Variants in SRRM2 observed in about 807,000 individuals in gnomAD.
SRRM2 encodes serine/arginine repetitive matrix protein 2.
Under a neutral mutation model 213.8 loss-of-function variants are expected in SRRM2, and 30 were observed. That is an observed-to-expected ratio of 0.14 (90% CI 0.10 to 0.19). SRRM2 has a LOEUF of 0.19. SRRM2 is among the 10% of genes least tolerant of loss of function. The pLI, the probability that SRRM2 is intolerant of heterozygous loss-of-function variation, is 1.00. For synonymous variants in SRRM2, 2,025 were observed against 1,377.7 expected, an observed-to-expected ratio of 1.47 and a Z score of -10.40; for missense variants, 4,904 against 3,647.0, an observed-to-expected ratio of 1.34 and a Z score of -8.88.
chr16:2,770,232 G>C, intron 12 of SRRM2, 120 bp from the exon 13 acceptor site: 1 of 1,458,018 alleles, frequency 6.9e-7, no homozygotes, highest in Non-Finnish European at 9.1e-7. Context: ...ACAAAGGTGG[G>C]TCTGAGGCTG....
intron 2 of SRRM2, among the ~76,000 whole-genome samples, chr16:2,757,174 A>G (rs1263852752): frequency 6.6e-6 from 1 of 152,180 alleles, no homozygotes; most frequent in Non-Finnish European, 1.5e-5. Flanking sequence ...GAATCCCAGG[A>G]AGTAAAAGGC....
chr16:2,766,483 A>C lies in SRRM2; in HGVS notation c.5955A>C (p.Arg1985Ser). Residue 1985 changes from arginine (R) to serine (S), a missense_variant, in exon 11 of 15, where the codon AGA (arginine) becomes AGC (serine). Arg to Ser is a moderately radical substitution (Grantham distance 110). Coordinates refer to ENST00000301740, the MANE Select transcript of SRRM2 (RefSeq NM_016333.4). This position sits in a 1 kb window ranked among gnomAD's most constrained non-coding sequence, Gnocchi z 7.0. ...TCACTCGCAGAAGATCAAGATCCAG[A>C]ACATCTCCGGTCACCCGAAGGAGAT... Reference protein sequence around the residue: ...SPITRRRSRSRTSPVTRRRSR... With the variant: ...SPITRRRSRSSTSPVTRRRSR... 6.2e-7 allele frequency: 1 copy of C among 1,614,018 alleles called. No homozygotes were observed. Among genetic ancestry groups the C allele is most frequent in the Non-Finnish European group, 8.5e-7 (1 of 1,179,948 alleles).
At position 2,769,093 on chromosome 16, in the gene SRRM2, C is replaced by T. The variant is rs374877727; in HGVS notation, c.7830C>T (p.Ser2610=). The change falls in exon 12 of 15, where the codon TCC becomes TCT. Residue 2610 remains serine (S), a synonymous_variant. Transcript: ENST00000301740. ...PAKRKRRSSS[S]SSSSSSSSSS... ...AACGGAAGAGGCGCTCTAGCAGTTC[C>T]AGTTCCAGCTCCTCCTCTTCATCTT... 2 of 1,614,074 alleles carry T rather than the reference C, an allele frequency of 1.2e-6. No individual in the cohort carries two copies. The highest frequency in any genetic ancestry group is 1.7e-6 in the Non-Finnish European group (2 of 1,180,024).
In SRRM2 at chr16:2,764,875, T is replaced by A; in HGVS notation, c.4347T>A (p.Asp1449Glu). The change falls in exon 11 of 15, where the codon GAT becomes GAA. Residue 1449 changes from aspartate (D) to glutamate (E), a missense_variant. By Grantham distance (45) the Asp-to-Glu change is conservative. Coordinates refer to ENST00000301740, the MANE Select transcript of SRRM2 (RefSeq NM_016333.4). ...SRSGSSPGLR[D>E]GSGTPSRHSL... Reference sequence around the variant, plus strand: ...CTGGGTCTTCTCCAGGACTTAGAGATGGGTCTGGGACTCCCTCGAGGCACA... The same window carrying A: ...CTGGGTCTTCTCCAGGACTTAGAGAAGGGTCTGGGACTCCCTCGAGGCACA... 3 of 1,614,174 alleles carry A rather than the reference T, an allele frequency of 1.9e-6. No homozygotes were observed. Among genetic ancestry groups the A allele is most frequent in the Non-Finnish European group, 2.5e-6 (3 of 1,180,028 alleles).
In SRRM2 at chr16:2,764,113, G is replaced by A. The variant is rs1218321482; in HGVS notation, c.3585G>A (p.Arg1195=). Residue 1195 remains arginine, a synonymous_variant, in exon 11 of 15, where the codon AGG becomes AGA. Transcript: ENST00000301740. ...TTAGTCCCTTTCCAGTACAGGATAG[G>A]CCTGAGTCTTCACTGGTATTCAAAG... ...DKFSPFPVQD[R]PESSLVFKDT... 6.2e-7 allele frequency: 1 copy of A among 1,614,158 alleles called. No individual in the cohort carries two copies.
rs758681825 is a variant in SRRM2, at chr16:2,766,132, C to T, written c.5604C>T (p.Ala1868=). 3.7e-6 allele frequency: 6 copies of T among 1,613,994 alleles called. No individual in the cohort carries two copies. The highest frequency in any genetic ancestry group is 1.1e-5 in the South Asian group (1 of 91,092). The change falls in exon 11 of 15, where the codon GCC becomes GCT. Residue 1868 remains alanine, a synonymous_variant. Coordinates refer to ENST00000301740, the MANE Select transcript of SRRM2 (RefSeq NM_016333.4). This position sits in a 1 kb window ranked among gnomAD's most constrained non-coding sequence, Gnocchi z 7.0. ...CGTGGAAACGCTCTAGATCTCGAGC[C>T]TCTCCAGCCACTCACCGGCGATCCA... ...PAPWKRSRSR[A]SPATHRRSRS... is the part of the protein sequence containing the mutation.
rs760841998 is a variant in SRRM2 at position 2,763,371 on chromosome 16, G to A, written c.2843G>A (p.Arg948Gln). The change falls in exon 11 of 15, where the codon CGG becomes CAG. Residue 948 changes from arginine (R) to glutamine (Q), a missense_variant. Arg to Gln is a conservative substitution (Grantham distance 43). Transcript: ENST00000301740. Reference protein sequence around the residue: ...PSRVTSRTTPRRSRSVSPCSN... With the variant: ...PSRVTSRTTPQRSRSVSPCSN... Reference sequence around the variant, plus strand: ...AGGGTGACGTCGAGAACAACTCCACGGCGAAGCAGATCAGTATCTCCCTGC... The same window carrying A: ...AGGGTGACGTCGAGAACAACTCCACAGCGAAGCAGATCAGTATCTCCCTGC... The A allele has an allele frequency of 2.7e-5, 43 of 1,614,036 alleles. No homozygotes were observed. Among genetic ancestry groups the A allele is most frequent in the Non-Finnish European group, 2.0e-5 (24 of 1,180,036 alleles).
intron 10 of SRRM2, 41 bp from the exon 11 acceptor site, chr16:2,761,520 C>A (rs189620136): frequency 4.8e-6 from 7 of 1,443,304 alleles, no homozygotes; most frequent in Non-Finnish European, 5.5e-6. Flanking sequence ...GAAGTTTTGG[C>A]GTTTATGAAT....
At chr16:2,759,229 T>G in intron 7 of SRRM2, 57 bp downstream of exon 7, 2 of 1,605,988 alleles carry the variant, frequency 1.2e-6, no homozygotes, top group Non-Finnish European at 1.7e-6. Context: ...TGATTTTTTT[T>G]TCTTGGAGTG....
At chr16:2,755,894 T>C (rs914881906) in intron 1 of SRRM2, among the ~76,000 whole-genome samples, 6 of 152,194 alleles carry the variant, frequency 3.9e-5, no homozygotes, top group Admixed American at 6.5e-5. Context: ...CTGGTGTTTG[T>C]TGTGACCAGG....
rs1465523478 is a variant in SRRM2 at position 2,762,325 on chromosome 16, C to A, written c.1797C>A (p.Pro599=). The A allele has an allele frequency of 6.2e-7, 1 of 1,614,046 alleles. No individual in the cohort carries two copies. Among genetic ancestry groups the A allele is most frequent in the Non-Finnish European group, 8.5e-7 (1 of 1,180,032 alleles). ...GGCGGAGATCACGATCCAGAACTCC[C>A]ACCAGGCGTAGGTCTCGGTCTAGAA... The part of the protein sequence containing the change: ...PARRRSRSRT[P]TRRRSRSRTP... Residue 599 remains proline (P), a synonymous_variant, in exon 11 of 15, where the codon CCC becomes CCA. Coordinates refer to ENST00000301740, the MANE Select transcript of SRRM2 (RefSeq NM_016333.4).
chr16:2,770,335 C>T lies in SRRM2; in HGVS notation c.8022-17C>T. Reference sequence around the variant, plus strand: ...TTGAAAGGGTGTGGTGCTATTGGGTCCTACTGTGTTCCCCAGGTCCCGCAG... The same window carrying T: ...TTGAAAGGGTGTGGTGCTATTGGGTTCTACTGTGTTCCCCAGGTCCCGCAG... On this transcript the variant is annotated splice_polypyrimidine_tract_variant and intron_variant, in intron 12 of 14. Transcript: ENST00000301740. 1.3e-6 allele frequency: 2 copies of T among 1,566,546 alleles called. No homozygotes were observed. Among genetic ancestry groups the T allele is most frequent in the Non-Finnish European group, 1.7e-6 (2 of 1,155,114 alleles).
chr16:2,759,908 TA>T (rs751721713), intron 9 of SRRM2: 49 of 528,148 alleles, frequency 9.3e-5, no homozygotes, highest in Non-Finnish European at 1.1e-4. Context: ...ACTGCCAGAA[TA>T]GGGGGGGTGG....
chr16:2,764,106 A>C lies in SRRM2; in HGVS notation c.3578A>C (p.Gln1193Pro). 1 of 1,614,192 alleles carries C rather than the reference A, an allele frequency of 6.2e-7. No individual in the cohort carries two copies. The highest frequency in any genetic ancestry group is 1.1e-5 in the South Asian group (1 of 91,082). ...QKDKFSPFPVQDRPESSLVFK... is the reference protein window; with the variant it reads ...QKDKFSPFPVPDRPESSLVFK... ...GACAAATTTAGTCCCTTTCCAGTAC[A>C]GGATAGGCCTGAGTCTTCACTGGTA... Residue 1193 changes from glutamine to proline, a missense_variant, in exon 11 of 15, where the codon CAG becomes CCG. By Grantham distance (76) the Gln-to-Pro change is moderately conservative (BLOSUM62 -1). Transcript: ENST00000301740.
chr16:2,759,433 A>G (rs946200782), intron 8 of SRRM2, 31 bp downstream of exon 8: 3 of 1,595,554 alleles, frequency 1.9e-6, no homozygotes, highest in African/African-American at 2.7e-5. Flanking sequence ...TTTGCTTAGG[A>G]AGTAAGTGAA....
rs756233308 is a variant in SRRM2, at chr16:2,762,800, C to T, written c.2272C>T (p.Arg758Trp). 1.7e-5 allele frequency: 27 copies of T among 1,614,008 alleles called. No individual in the cohort carries two copies. Among genetic ancestry groups the T allele is most frequent in the Non-Finnish European group, 2.1e-5 (25 of 1,180,034 alleles). The change falls in exon 11 of 15, where the codon CGG (arginine) becomes TGG (tryptophan). Residue 758 changes from arginine (R) to tryptophan (W), a missense_variant. By Grantham distance (101) the Arg-to-Trp change is moderately radical. Transcript: ENST00000301740. ...EMKKSRISSR[R>W]SRSLSSPRSK... is the part of the protein sequence containing the mutation. ...GAAGAAATCTCGCATTTCTTCAAGGCGGAGCAGGTCTCTCTCTTCACCACG... is the reference window on the plus strand; with the variant it reads ...GAAGAAATCTCGCATTTCTTCAAGGTGGAGCAGGTCTCTCTCTTCACCACG...
At chr16:2,769,350 G>A (rs1338516462) in intron 12 of SRRM2, 66 bp downstream of exon 12, 2 of 1,505,908 alleles carry the variant, frequency 1.3e-6, no homozygotes, top group Non-Finnish European at 1.8e-6. Flanking sequence ...AAGGGGCCCT[G>A]GGGTGTGAGC....
In SRRM2 at chr16:2,764,805, A is replaced by G; in HGVS notation, c.4277A>G (p.Glu1426Gly). Reference protein sequence around the residue: ...RERSSSASSPEMKDGLPRTPS... With the variant: ...RERSSSASSPGMKDGLPRTPS... Reference sequence around the variant, plus strand: ...AGAAGTAGTTCTGCATCTTCTCCTGAAATGAAAGATGGTTTACCCAGAACT... The same window carrying G: ...AGAAGTAGTTCTGCATCTTCTCCTGGAATGAAAGATGGTTTACCCAGAACT... Residue 1426 changes from glutamate (E) to glycine (G), a missense_variant, in exon 11 of 15, where the codon GAA becomes GGA. Coordinates refer to ENST00000301740, the MANE Select transcript of SRRM2 (RefSeq NM_016333.4). 6.2e-7 allele frequency: 1 copy of G among 1,614,190 alleles called. No individual in the cohort carries two copies. The highest frequency in any genetic ancestry group is 8.5e-7 in the Non-Finnish European group (1 of 1,180,050).
chr16:2,758,782 C>T lies in SRRM2; in HGVS notation c.594-203C>T. On this transcript the variant is annotated intron_variant, in intron 5 of 14. Coordinates refer to ENST00000301740, the MANE Select transcript of SRRM2 (RefSeq NM_016333.4). ...GCAGCATTTTGGATTCTGGAATTTT[C>T]TTTTTCATTTTGAGGTTTGTTGACT... The T allele has an allele frequency of 5.7e-6, 4 of 702,554 alleles. No homozygotes were observed. The South Asian group carries it at 5.9e-5, about 10-fold the overall frequency. The allele number at this position is 702,554 out of a possible 1,614,324, so 43.5% of individuals were successfully genotyped here.
Sources: gnomAD v4.1 joint callset for allele counts (sites outside exome capture counted in the v4.1 genomes callset) on GRCh38, gnomAD v4.1.1 for gene constraint, Gnocchi (gnomAD v3.1) non-coding constraint, MANE v1.5 for transcripts, NCBI Gene and HGNC (gene_info 2026-07-23, HGNC 2026-07-21) for gene names.